The following EMG1 variants were observed in gnomAD, a reference collection of about 807,000 sequenced individuals.
The protein encoded by EMG1 is ribosomal RNA small subunit methyltransferase NEP1.
EMG1 carries 24 observed loss-of-function variants against 26.9 expected under a neutral mutation model. The ratio of observed to expected loss-of-function variants is 0.89; its 90% confidence interval spans 0.65 to 1.26. The LOEUF is 1.26. EMG1 is among the 50% of genes most tolerant of loss of function. The pLI is 0.00. For missense variants in EMG1, 299 were observed against 307.6 expected, an observed-to-expected ratio of 0.97 and a Z score of 0.21; for synonymous variants, 140 against 112.6, an observed-to-expected ratio of 1.24 and a Z score of -1.54.
chr12:6,975,750 G>A lies in EMG1; in HGVS notation c.676G>A (p.Ala226Thr), dbSNP rs782235929. 3 of 1,613,700 alleles carry A rather than the reference G, an allele frequency of 1.9e-6. No homozygotes were observed. The highest frequency in any genetic ancestry group is 1.7e-6 in the Non-Finnish European group (2 of 1,179,608). Residue 226 changes from alanine (A) to threonine (T), a missense_variant, in exon 6 of 6, where the codon GCT (alanine) becomes ACT (threonine). Ala to Thr is a moderately conservative substitution (Grantham distance 58). Coordinates refer to ENST00000599672, the MANE Select transcript of EMG1 (RefSeq NM_006331.8). ...MVSISNYPLSAALTCAKLTTA... is the reference protein window; with the variant it reads ...MVSISNYPLSTALTCAKLTTA... ...GTCCATCAGTAACTACCCCCTTTCT[G>A]CTGCCCTCACCTGTGCAAAACTTAC...
At position 6,975,350 on chromosome 12, in the gene EMG1, T is replaced by C. The variant is rs1946381810; in HGVS notation, c.593T>C (p.Phe198Ser). The stretch of plus-strand genomic sequence containing the variant: ...GTGCCCAGCAGTGATCCTATTGTTT[T>C]TGTGGTAGGGGCCTTTGCCCATGGC... ...ELVPSSDPIVFVVGAFAHGKV... is the reference protein window; with the variant it reads ...ELVPSSDPIVSVVGAFAHGKV... Residue 198 changes from phenylalanine to serine, a missense_variant, in exon 5 of 6, where the codon TTT (phenylalanine) becomes TCT (serine). Phe to Ser is a radical substitution (Grantham distance 155). Coordinates refer to ENST00000599672, the MANE Select transcript of EMG1 (RefSeq NM_006331.8). 2 of 1,605,204 alleles carry C rather than the reference T, an allele frequency of 1.2e-6. No individual in the cohort carries two copies. Among genetic ancestry groups the C allele is most frequent in the Non-Finnish European group, 1.7e-6 (2 of 1,175,452 alleles).
At chr12:6,975,058 T>A (rs1565594498) in intron 3 of EMG1, 32 bp from the exon 4 acceptor site, 1 of 1,610,876 alleles carries the variant, frequency 6.2e-7, no homozygotes, top group Non-Finnish European at 8.5e-7. Flanking sequence ...GTGGTCTCCA[T>A]CTAGCTCTGA....
Position 6,987,101 on chromosome 12 carries a change from G to C in EMG1, c.*155-681G>C, listed in dbSNP as rs1244105263. Among the ~76,000 whole-genome samples the C allele has an allele frequency of 6.7e-6, 1 of 148,260 alleles. No individual in the cohort carries two copies. The highest frequency in any genetic ancestry group is 1.5e-5 in the Non-Finnish European group (1 of 67,896). On this transcript the variant is annotated intron_variant and NMD_transcript_variant, in intron 6 of 7. Transcript: ENST00000261406. This position sits in a 1 kb window ranked among gnomAD's most constrained non-coding sequence, Gnocchi z 4.1. ...GCACTCCAGCTTGGGCAACGAGCAA[G>C]ATTCTGTCTCAAAAAAAAAAGAAAA...
chr12:6,983,374 G>T, downstream of EMG1: 1 of 1,206,220 alleles, frequency 8.3e-7, no homozygotes, highest in Non-Finnish European at 1.2e-6. Flanking sequence ...TTTTGTTCAA[G>T]TCTGTTCCTT....
chr12:6,982,808 C>T, downstream of EMG1: 1 of 1,533,836 alleles, frequency 6.5e-7, no homozygotes, highest in Non-Finnish European at 9.0e-7. Flanking sequence ...GAGAATTTAG[C>T]CTGGTTTTTA....
downstream of EMG1, among the ~76,000 whole-genome samples, chr12:6,982,150 C>T (rs190619177): frequency 1.4e-4 from 21 of 152,164 alleles, no homozygotes; most frequent in East Asian, 2.7e-3. Flanking sequence ...CCACCCCACC[C>T]GGCTAATTTT....
chr12:6,975,706 A>T lies in EMG1; in HGVS notation c.632A>T (p.Glu211Val). The T allele has an allele frequency of 6.2e-7, 1 of 1,607,326 alleles. No homozygotes were observed. Among genetic ancestry groups the T allele is most frequent in the Non-Finnish European group, 8.5e-7 (1 of 1,173,800 alleles). Residue 211 changes from glutamate to valine, a missense_variant, in exon 6 of 6, where the codon GAG (glutamate) becomes GTG (valine). Physicochemically the swap from Glu to Val is moderately radical, Grantham distance 121. Coordinates refer to ENST00000599672, the MANE Select transcript of EMG1 (RefSeq NM_006331.8). Reference sequence around the variant, plus strand: ...CTGTTCTTTTCTTAGGTCAGTGTGGAGTATACAGAGAAGATGGTGTCCATC... The same window carrying T: ...CTGTTCTTTTCTTAGGTCAGTGTGGTGTATACAGAGAAGATGGTGTCCATC... ...GAFAHGKVSV[E>V]YTEKMVSISN...
chr12:6,995,106 T>C (rs1196456874), intron 7 of EMG1, among the ~76,000 whole-genome samples: 1 of 143,210 alleles, frequency 7.0e-6, no homozygotes, highest in Non-Finnish European at 1.5e-5. Flanking sequence ...TCTCCCTAAA[T>C]CAGCCTTCTC....
Position 6,978,500 on chromosome 12 carries a change from ACTC to A in EMG1, c.*2694_*2696del. 2 of 1,612,288 alleles carry A rather than the reference ACTC, an allele frequency of 1.2e-6. No individual in the cohort carries two copies. The highest frequency in any genetic ancestry group is 1.7e-6 in the Non-Finnish European group (2 of 1,178,826). On this transcript the variant is annotated 3_prime_UTR_variant, in exon 6 of 6. Coordinates refer to ENST00000599672, the MANE Select transcript of EMG1 (RefSeq NM_006331.8). ...GAAGCCCAGGCCCGTCAAAATGCAT[ACTC>A]CTTCCTGAGAGGGAATAGCTCAGTT...
chr12:6,988,810 G>T (rs782076536), downstream of EMG1, among the ~76,000 whole-genome samples: 1 of 152,226 alleles, frequency 6.6e-6, no homozygotes, highest in South Asian at 2.1e-4. Context: ...CACCAGATGG[G>T]TTTGTAACAA....
Position 6,977,644 on chromosome 12 carries a change from A to G in EMG1, c.*1835A>G. 6.2e-7 allele frequency: 1 copy of G among 1,614,248 alleles called. No homozygotes were observed. ...GAGGAATTCCATCTGGAAGCAGACC[A>G]GGTATCCTGAGTGCAGGCCGTGCCA... On this transcript the variant is annotated 3_prime_UTR_variant, in exon 6 of 6. Transcript: ENST00000599672. This position sits in a 1 kb window ranked among gnomAD's most constrained non-coding sequence, Gnocchi z 4.5.
chr12:6,994,122 C>G (rs1946613915), intron 7 of EMG1, among the ~76,000 whole-genome samples: 1 of 152,138 alleles, frequency 6.6e-6, no homozygotes, highest in Admixed American at 6.5e-5. Flanking sequence ...CAGGTATGAG[C>G]CCATGTACAA....
At chr12:6,990,526 A>AAAAT (rs59048377), downstream of EMG1, among the ~76,000 whole-genome samples, 29,582 of 144,310 alleles carry the variant, frequency 0.2, 3,347 homozygotes, top group East Asian at 0.48. Context: ...AAATTAAAAT[A>AAAAT]AAATAAATAA....
In EMG1 at chr12:6,977,105, G is replaced by A. The variant is rs1555153304; in HGVS notation, c.*1296G>A. The A allele has an allele frequency of 7.7e-7, 1 of 1,299,790 alleles. No homozygotes were observed. The highest frequency in any genetic ancestry group is 1.1e-6 in the Non-Finnish European group (1 of 894,922). 80.5% of individuals were successfully genotyped at this position (1,299,790 alleles called of 1,614,324 possible). A position where few individuals can be genotyped will look rare whatever the true frequency, so the allele number is the denominator to read the frequency against. ...TGTTGCTCTATTCTGTAACCTGGTG[G>A]TAGTTTTAGTTTAGCTGTATTAACT... On this transcript the variant is annotated 3_prime_UTR_variant, in exon 6 of 6. Coordinates refer to ENST00000599672, the MANE Select transcript of EMG1 (RefSeq NM_006331.8). This position sits in a 1 kb window ranked among gnomAD's most constrained non-coding sequence, Gnocchi z 4.5.
chr12:6,988,296 G>A (rs1946548526), downstream of EMG1: 1 of 152,730 alleles, frequency 6.5e-6, no homozygotes, highest in South Asian at 2.1e-4. Context: ...AGGTTAGCAG[G>A]AACGTTAAGA....
At chr12:6,974,208 G>T in intron 1 of EMG1, 131 bp from the exon 2 acceptor site, 1 of 689,372 alleles carries the variant, frequency 1.5e-6, no homozygotes, top group South Asian at 1.6e-5. Context: ...GGTCTAGGGT[G>T]GGCCTGAGAA....
chr12:6,981,363 C>T (rs1555154041), downstream of EMG1: 1 of 671,322 alleles, frequency 1.5e-6, no homozygotes, highest in African/African-American at 1.8e-5. Flanking sequence ...CTGGCTGTTG[C>T]TGCTTTAGCA....
chr12:6,975,649 C>A, intron 5 of EMG1, 47 bp from the exon 6 acceptor site: 1 of 1,296,250 alleles, frequency 7.7e-7, no homozygotes, highest in Non-Finnish European at 1.1e-6. Flanking sequence ...AGGGCTGAAA[C>A]AGCTACTGAG....
At chr12:6,973,867 G>C (rs1227204356) in intron 1 of EMG1, among the ~76,000 whole-genome samples, 1 of 152,210 alleles carries the variant, frequency 6.6e-6, no homozygotes, top group Non-Finnish European at 1.5e-5. Context: ...CAGATTTGCA[G>C]CTCTTCACTT....
Sources: gnomAD v4.1 joint callset for allele counts (sites outside exome capture counted in the v4.1 genomes callset) on GRCh38, gnomAD v4.1.1 for gene constraint, Gnocchi (gnomAD v3.1) non-coding constraint, MANE v1.5 for transcripts, NCBI Gene and HGNC (gene_info 2026-07-23, HGNC 2026-07-21) for gene names.